Variants in CALCR observed in about 807,000 individuals in gnomAD.
CALCR encodes calcitonin receptor.
In CALCR, 47 loss-of-function variants were observed where a neutral mutation model predicts 59.5. The observed-to-expected ratio is 0.79, with a 90% CI of 0.63 to 1.01. The LOEUF is 1.01. Ranked by LOEUF, CALCR falls within the 50% of genes least tolerant of loss-of-function variation. The pLI, the probability that CALCR is intolerant of heterozygous loss-of-function variation, is 0.00. For synonymous variants in CALCR, 213 were observed against 211.3 expected, an observed-to-expected ratio of 1.01 and a Z score of -0.07; for missense variants, 566 against 597.1, an observed-to-expected ratio of 0.95 and a Z score of 0.54.
chr7:93,554,336 G>A (rs186697307), intron 2 of CALCR, among the ~76,000 whole-genome samples: 1 of 152,152 alleles, frequency 6.6e-6, no homozygotes, highest in East Asian at 1.9e-4. Context: ...GGCAAGTAAG[G>A]TTTTCAACAC....
At position 93,488,582 on chromosome 7, in the gene CALCR, G is replaced by GAAAAAAAAAA. The variant is rs1554401502; in HGVS notation, c.-26-1585_-26-1576dup. ...GGAAAATTTACCAAGCAAATGGAAAGAAAAAAAAAAAAAAAAAAAGCATGG... is the reference window on the plus strand; with the variant it reads ...GGAAAATTTACCAAGCAAATGGAAAGAAAAAAAAAAAAAAAAAAAAAAAAAAAAAGCATGG... On this transcript the variant is annotated intron_variant, in intron 2 of 13. Coordinates refer to ENST00000426151, the MANE Select transcript of CALCR (RefSeq NM_001742.4). Among the ~76,000 whole-genome samples the GAAAAAAAAAA allele has an allele frequency of 5.1e-5, 4 of 78,026 alleles. 1 individual carries two copies. Among genetic ancestry groups the GAAAAAAAAAA allele is most frequent in the African/African-American group, 5.0e-5 (1 of 19,994 alleles). 51.2% of individuals were successfully genotyped at this position (78,026 alleles called of 152,430 possible).
At chr7:93,482,648 T>C in intron 3 of CALCR, 1 of 372,212 alleles carries the variant, frequency 2.7e-6, no homozygotes, top group Non-Finnish European at 5.4e-6. Context: ...GAAAACCCTA[T>C]GCTTGTATTT....
chr7:93,537,134 G>C (rs572102821), intron 2 of CALCR, among the ~76,000 whole-genome samples: 1 of 151,594 alleles, frequency 6.6e-6, no homozygotes, highest in East Asian at 1.9e-4. Context: ...CCAATGTAAA[G>C]AAAAAGTTGT....
At position 93,477,595 on chromosome 7, in the gene CALCR, C is replaced by A. The variant is rs374929068; in HGVS notation, c.279G>T (p.Gln93His). ...DDTPAGVLSY[Q>H]FCPDYFPDFD... is the part of the protein sequence containing the mutation. ...AATCCGGAAAATAATCTGGGCAGAA[C>A]TGATAGGACAATACTCCAGCCGGTG... The change falls in exon 5 of 14, where the codon CAG becomes CAT. Residue 93 changes from glutamine to histidine, a missense_variant. Physicochemically the swap from Gln to His is conservative, Grantham distance 24. Coordinates refer to ENST00000426151, the MANE Select transcript of CALCR (RefSeq NM_001742.4). 9.3e-6 allele frequency: 15 copies of A among 1,611,264 alleles called. No homozygotes were observed. In the South Asian group the frequency reaches 1.4e-4, roughly 15 times the overall value.
intron 8 of CALCR, among the ~76,000 whole-genome samples, chr7:93,454,916 T>TG (rs1800178646): frequency 6.9e-6 from 1 of 144,918 alleles, no homozygotes. Flanking sequence ...ACAGGGCATT[T>TG]TGTGTGTGTG....
At chr7:93,472,134 G>A (rs1276987853) in intron 6 of CALCR, among the ~76,000 whole-genome samples, 2 of 151,712 alleles carry the variant, frequency 1.3e-5, no homozygotes, top group African/African-American at 4.8e-5. Flanking sequence ...GCCATAAATG[G>A]ACTGATTCTG....
intron 6 of CALCR, among the ~76,000 whole-genome samples, chr7:93,469,344 TC>T (rs1800506339): frequency 6.6e-6 from 1 of 151,066 alleles, no homozygotes; most frequent in African/African-American, 2.4e-5. Flanking sequence ...TTTTTCACGA[TC>T]ATGGTTAATT....
chr7:93,468,852 A>G (rs1451760007), intron 6 of CALCR, 46 bp from the exon 7 acceptor site: 3 of 1,128,488 alleles, frequency 2.7e-6, no homozygotes, highest in Non-Finnish European at 3.8e-6. Flanking sequence ...TGAATGATTC[A>G]TCAGAGAGAA....
intron 2 of CALCR, among the ~76,000 whole-genome samples, chr7:93,543,438 C>A (rs906652577): frequency 2.6e-5 from 4 of 152,092 alleles, no homozygotes; most frequent in Non-Finnish European, 5.9e-5. Flanking sequence ...AGTCACCGTG[C>A]GTGGCCTGTA....
intron 2 of CALCR, among the ~76,000 whole-genome samples, chr7:93,515,143 A>G (rs1433102507): frequency 6.6e-6 from 1 of 152,056 alleles, no homozygotes; most frequent in African/African-American, 2.4e-5. Context: ...ACACTGATCA[A>G]TTCATGATTC....
intron 2 of CALCR, among the ~76,000 whole-genome samples, chr7:93,560,381 T>C (rs887167765): frequency 4.6e-5 from 7 of 152,114 alleles, no homozygotes; most frequent in African/African-American, 1.7e-4. Flanking sequence ...ACACTGACTA[T>C]TGGTATCTAT....
intron 2 of CALCR, among the ~76,000 whole-genome samples, chr7:93,554,218 C>T (rs558340956): frequency 2.2e-4 from 34 of 152,178 alleles, no homozygotes; most frequent in Middle Eastern, 3.4e-3. Flanking sequence ...AATAAGCCAT[C>T]ATGAAAATTA....
chr7:93,460,101 G>A (rs1800284512), intron 8 of CALCR, among the ~76,000 whole-genome samples: 2 of 152,298 alleles, frequency 1.3e-5, no homozygotes, highest in South Asian at 4.1e-4. Flanking sequence ...CTTGGCAACA[G>A]AATGAAGAGG....
chr7:93,534,683 C>A (rs963369204), intron 2 of CALCR, among the ~76,000 whole-genome samples: 1 of 151,686 alleles, frequency 6.6e-6, no homozygotes, highest in Admixed American at 6.6e-5. Flanking sequence ...CTGAAGACAA[C>A]AAATATTCTT....
rs183564958 is a variant in CALCR at position 93,437,206 on chromosome 7, A to G, written c.930+854T>C. Among the ~76,000 whole-genome samples the G allele has an allele frequency of 2.7e-4, 41 of 152,298 alleles. No homozygotes were observed. The South Asian group carries it at 7.5e-3, about 28-fold the overall frequency. ...AATCTGCATTTCCTTAAAAATTTCT[A>G]GATAATTAAGGCAAGAAATATGTAT... On this transcript the variant is annotated intron_variant, in intron 11 of 13. Coordinates refer to ENST00000426151, the MANE Select transcript of CALCR (RefSeq NM_001742.4).
rs10277888 is a variant in CALCR, at chr7:93,492,582, C to T, written c.-26-5575G>A. On this transcript the variant is annotated intron_variant, in intron 2 of 13. Coordinates refer to ENST00000426151, the MANE Select transcript of CALCR (RefSeq NM_001742.4). The stretch of plus-strand genomic sequence containing the variant: ...CCACTCAGTAAATTAGAAGCATACA[C>T]GCACACACGTATTAAGTGCTGAGGC... Among the ~76,000 whole-genome samples, 58 of 151,402 alleles carry T rather than the reference C, an allele frequency of 3.8e-4. 1 individual carries two copies. The highest frequency in any genetic ancestry group is 3.0e-3 in the Admixed American group (46 of 15,136).
At chr7:93,557,582 C>T (rs1490095485) in intron 2 of CALCR, among the ~76,000 whole-genome samples, 3 of 151,724 alleles carry the variant, frequency 2.0e-5, no homozygotes, top group Admixed American at 6.6e-5. Context: ...AAATTATCAC[C>T]ATATAGAAAT....
At chr7:93,469,226 A>T (rs1800502782) in intron 6 of CALCR, among the ~76,000 whole-genome samples, 2 of 151,680 alleles carry the variant, frequency 1.3e-5, no homozygotes, top group Non-Finnish European at 2.9e-5. Flanking sequence ...GAGGGTCCAG[A>T]GAGTATGGTG....
chr7:93,571,010 T>G (rs1178969430), intron 2 of CALCR, among the ~76,000 whole-genome samples: 5 of 152,220 alleles, frequency 3.3e-5, no homozygotes, highest in Non-Finnish European at 7.3e-5. Flanking sequence ...TTTAAAGATC[T>G]CAAACCTCTC....
Sources: allele counts gnomAD v4.1 joint callset (sites outside exome capture counted in the v4.1 genomes callset), GRCh38; gene constraint gnomAD v4.1.1; transcripts MANE v1.5; gene names NCBI Gene and HGNC (gene_info 2026-07-23, HGNC 2026-07-21).